The following PLEKHM2 variants were observed in gnomAD, a reference collection of about 807,000 sequenced individuals.
PLEKHM2 encodes pleckstrin homology domain-containing family M member 2.
In PLEKHM2, 77 loss-of-function variants were observed where a neutral mutation model predicts 116.3. The ratio of observed to expected loss-of-function variants is 0.66; its 90% CI spans 0.55 to 0.80. The LOEUF (loss-of-function observed/expected upper bound fraction) is 0.80, where lower values mean the gene tolerates loss of function less well. PLEKHM2 is among the 30% of genes least tolerant of loss of function. PLEKHM2 has a pLI of 0.00. For missense variants in PLEKHM2, 1,183 were observed against 1,354.9 expected, an observed-to-expected ratio of 0.87 and a Z score of 1.99; for synonymous variants, 562 against 571.0, an observed-to-expected ratio of 0.98 and a Z score of 0.22.
At chr1:15,683,503 CT>C (rs1212503759), upstream of PLEKHM2, among the ~76,000 whole-genome samples, 1 of 149,684 alleles carries the variant, frequency 6.7e-6, no homozygotes, top group African/African-American at 2.5e-5. Context: ...GGGCCGGGGT[CT>C]CAGGGTCTGT....
chr1:15,713,392 T>G (rs1364459507), intron 1 of PLEKHM2, among the ~76,000 whole-genome samples: 1 of 152,250 alleles, frequency 6.6e-6, no homozygotes, highest in African/African-American at 2.4e-5. Context: ...TTATTCTTTA[T>G]ACACACCTCT....
chr1:15,706,562 T>C (rs1271768375), intron 1 of PLEKHM2, among the ~76,000 whole-genome samples: 1 of 152,094 alleles, frequency 6.6e-6, no homozygotes, highest in Admixed American at 6.6e-5. Context: ...TGCGCCACCA[T>C]GCCTGGCTAA....
At position 15,731,186 on chromosome 1, in the gene PLEKHM2, CT is replaced by C; in HGVS notation, c.2400-5del. 6.3e-7 allele frequency: 1 copy of C among 1,591,020 alleles called. No homozygotes were observed. ...GCCTCACTCGCCCTGTGTTGTGCCC[CT>C]GCAGCAACGGGATCCTCTACCAGTA... On this transcript the variant is annotated splice_region_variant and splice_polypyrimidine_tract_variant and intron_variant, in intron 15 of 19. Transcript: ENST00000375799.
intron 2 of PLEKHM2, 31 bp from the exon 3 acceptor site, chr1:15,716,676 G>T: frequency 6.4e-7 from 1 of 1,552,328 alleles, no homozygotes; most frequent in African/African-American, 1.4e-5. Flanking sequence ...GCCCCATGCA[G>T]GTCACAGCAG....
At chr1:15,684,698 G>GCGACCCTGCTGCCGCAGGGACTCA in intron 1 of PLEKHM2, 80 bp downstream of exon 1, 1 of 682,302 alleles carries the variant, frequency 1.5e-6, no homozygotes, top group Non-Finnish European at 1.8e-6. Flanking sequence ...TCCCGGGCCG[G>GCGACCCTGCTGCCGCAGGGACTCA]GGCCCCCCGC....
chr1:15,732,766 C>G (rs1478307537), intron 19 of PLEKHM2, 38 bp downstream of exon 19: 1 of 1,402,986 alleles, frequency 7.1e-7, no homozygotes, highest in Admixed American at 1.9e-5. Flanking sequence ...GCCAGGGACC[C>G]TGTGGAGTGG....
intron 1 of PLEKHM2, among the ~76,000 whole-genome samples, chr1:15,704,101 A>T (rs1641172489): frequency 6.6e-6 from 1 of 152,054 alleles, no homozygotes; most frequent in East Asian, 1.9e-4. Flanking sequence ...TTCTGATGAC[A>T]ACTTTTTCAT....
At chr1:15,733,653 C>G in intron 19 of PLEKHM2, 144 bp from the exon 20 acceptor site, 1 of 860,848 alleles carries the variant, frequency 1.2e-6, no homozygotes, top group African/African-American at 1.7e-5. Flanking sequence ...AAACTAGCAG[C>G]GTGGAAGATG....
Position 15,729,134 on chromosome 1 carries a change from G to A in PLEKHM2, c.2019G>A (p.Val673=), listed in dbSNP as rs1213745585. The change falls in exon 13 of 20, where the codon GTG becomes GTA. Residue 673 remains valine, a synonymous_variant. Transcript: ENST00000375799. The surrounding 1 kb of genome is among the most constrained non-coding windows in gnomAD (Gnocchi z 4.7). ...VGLDQQTVKL[V]CTNRRKQFLL... is the part of the protein sequence containing the mutation. ...TTGACCAGCAGACGGTGAAGCTGGT[G>A]TGCACCAACCGCAGGAAGCAGTTTC... 6 of 1,611,972 alleles carry A rather than the reference G, an allele frequency of 3.7e-6. No individual in the cohort carries two copies. In the South Asian group the frequency reaches 4.4e-5, roughly 12 times the overall value.
At chr1:15,724,987 C>T (rs1279205589) in intron 7 of PLEKHM2, among the ~76,000 whole-genome samples, 1 of 152,180 alleles carries the variant, frequency 6.6e-6, no homozygotes, top group Non-Finnish European at 1.5e-5. Flanking sequence ...ATGGAGGCCT[C>T]GAAGTCACCA....
chr1:15,730,004 GGGAT>G, intron 14 of PLEKHM2, 75 bp downstream of exon 14: 1 of 1,210,016 alleles, frequency 8.3e-7, no homozygotes, highest in East Asian at 3.2e-5. Flanking sequence ...TGAGCGTTAA[GGGAT>G]GCACGTGGAT....
intron 1 of PLEKHM2, among the ~76,000 whole-genome samples, chr1:15,695,249 G>A (rs1474933002): frequency 2.0e-5 from 3 of 152,140 alleles, no homozygotes; most frequent in East Asian, 1.9e-4. Flanking sequence ...GAACTGATGC[G>A]TGCTTGAAAT....
chr1:15,705,520 A>C (rs1641208423), intron 1 of PLEKHM2, among the ~76,000 whole-genome samples: 1 of 152,104 alleles, frequency 6.6e-6, no homozygotes, highest in Admixed American at 6.6e-5. Context: ...AACTTATGCC[A>C]GAGCTGAACT....
chr1:15,684,750 C>T, intron 1 of PLEKHM2, 132 bp downstream of exon 1: 3 of 364,394 alleles, frequency 8.2e-6, no homozygotes, highest in Non-Finnish European at 1.4e-5. Flanking sequence ...CGGCCGGGAG[C>T]CCCGGGCCGG....
chr1:15,718,689 G>T, intron 5 of PLEKHM2, 64 bp downstream of exon 5: 1 of 771,684 alleles, frequency 1.3e-6, no homozygotes, highest in Admixed American at 2.0e-5. Flanking sequence ...GGGGCAGGGT[G>T]GGCGGTGGCT....
chr1:15,686,665 T>A (rs79577032), intron 1 of PLEKHM2, among the ~76,000 whole-genome samples: 3 of 150,936 alleles, frequency 2.0e-5, no homozygotes, highest in African/African-American at 7.4e-5. Flanking sequence ...TTTTTTTTTT[T>A]TGAGACGGAG....
rs1267616177 is a variant in PLEKHM2, at chr1:15,684,444, G to A, written c.-115G>A. The A allele has an allele frequency of 4.2e-6, 2 of 472,326 alleles. No homozygotes were observed. Among genetic ancestry groups the A allele is most frequent in the East Asian group, 1.6e-4 (1 of 6,368 alleles). 29.3% of individuals were successfully genotyped at this position (472,326 alleles called of 1,614,324 possible). On this transcript the variant is annotated 5_prime_UTR_variant, in exon 1 of 20. Transcript: ENST00000375799. ...CGGGCCCCGCGGCCGGCACGACGGAGCCCCCGTACGGCCGGCGGCAGCGGT... is the reference window on the plus strand; with the variant it reads ...CGGGCCCCGCGGCCGGCACGACGGAACCCCCGTACGGCCGGCGGCAGCGGT...
chr1:15,716,070 G>T (rs1034619037), intron 1 of PLEKHM2, among the ~76,000 whole-genome samples, 167 bp from the exon 2 acceptor site: 2 of 152,236 alleles, frequency 1.3e-5, no homozygotes, highest in African/African-American at 4.8e-5. Context: ...GGAACCTCCA[G>T]TGCCAGAGCA....
chr1:15,729,658 C>T lies in PLEKHM2; in HGVS notation c.2076-139C>T, dbSNP rs1050934423. The T allele has an allele frequency of 3.6e-5, 25 of 701,730 alleles. No individual in the cohort carries two copies. Among genetic ancestry groups the T allele is most frequent in the Admixed American group, 5.3e-5 (2 of 37,550 alleles). 43.5% of individuals were successfully genotyped at this position (701,730 alleles called of 1,614,324 possible). A position where few individuals can be genotyped will look rare whatever the true frequency, so the allele number is the denominator to read the frequency against. On this transcript the variant is annotated intron_variant, in intron 13 of 19. Coordinates refer to ENST00000375799, the MANE Select transcript of PLEKHM2 (RefSeq NM_015164.4). This position sits in a 1 kb window ranked among gnomAD's most constrained non-coding sequence, Gnocchi z 4.7. ...GGACCTGCGTCATTGCCGCACCTGCCGCCCTGGTCACTGGGTCTAGCCAGG... is the reference window on the plus strand; with the variant it reads ...GGACCTGCGTCATTGCCGCACCTGCTGCCCTGGTCACTGGGTCTAGCCAGG...
Sources: gnomAD v4.1 joint callset for allele counts (sites outside exome capture counted in the v4.1 genomes callset) on GRCh38, gnomAD v4.1.1 for gene constraint, Gnocchi (gnomAD v3.1) non-coding constraint, MANE v1.5 for transcripts, NCBI Gene and HGNC (gene_info 2026-07-23, HGNC 2026-07-21) for gene names.